SNX2: variants seen among roughly 807,000 people sequenced by gnomAD.
SNX2 encodes the protein sorting nexin 2.
Under a neutral mutation model 69.9 loss-of-function variants are expected in SNX2, and 25 were observed. The ratio of observed to expected loss-of-function variants is 0.36; its 90% CI spans 0.26 to 0.50. The LOEUF (loss-of-function observed/expected upper bound fraction) is 0.50, where lower values mean the gene tolerates loss of function less well. Among genes scored for constraint, SNX2 ranks in the 20% least tolerant of loss-of-function variants. SNX2 has a pLI of 0.97. For synonymous variants in SNX2, 229 were observed against 200.4 expected (o/e 1.14, Z -1.20); for missense variants, 551 against 613.3 (o/e 0.90, Z 1.07).
chr5:122,829,490 C>G, intron 14 of SNX2, 108 bp from the exon 15 acceptor site: 1 of 788,836 alleles, frequency 1.3e-6, no homozygotes, highest in African/African-American at 1.7e-5. Context: ...TAGGTGTGAG[C>G]TACCCAGCCC....
intron 1 of SNX2, among the ~76,000 whole-genome samples, chr5:122,792,057 C>G (rs185474665): frequency 1.6e-4 from 25 of 152,288 alleles, no homozygotes; most frequent in Non-Finnish European, 4.4e-5. Context: ...CAAACTTGTT[C>G]TTTAAATTCC....
chr5:122,823,723 T>G (rs981554147), intron 11 of SNX2, among the ~76,000 whole-genome samples: 6 of 150,300 alleles, frequency 4.0e-5, no homozygotes, highest in African/African-American at 1.5e-4. Flanking sequence ...TGTGGGTGTG[T>G]GTGTGTGTGT....
In SNX2 at chr5:122,830,959, A is replaced by C. The variant is rs1251325172; in HGVS notation, c.*1311A>C. 6.8e-6 allele frequency among the ~76,000 whole-genome samples: 1 copy of C among 147,184 alleles called. No individual in the cohort carries two copies. Among genetic ancestry groups the C allele is most frequent in the Non-Finnish European group, 1.5e-5 (1 of 67,384 alleles). On this transcript the variant is annotated 3_prime_UTR_variant, in exon 15 of 15. Coordinates refer to ENST00000379516, the MANE Select transcript of SNX2 (RefSeq NM_003100.4). ...GGAAGGTGGAGGTTGCAGTGAGCCAAGATCATGCCGTTGCACGCCAGCCTA... is the reference window on the plus strand; with the variant it reads ...GGAAGGTGGAGGTTGCAGTGAGCCACGATCATGCCGTTGCACGCCAGCCTA...
chr5:122,809,981 A>G (rs1167023848), intron 7 of SNX2, among the ~76,000 whole-genome samples: 6 of 152,170 alleles, frequency 3.9e-5, no homozygotes, highest in Non-Finnish European at 5.9e-5. Context: ...TTTTAAGAAT[A>G]AAGGTAAATC....
intron 6 of SNX2, among the ~76,000 whole-genome samples, chr5:122,805,643 A>C (rs749147862): frequency 3.5e-4 from 53 of 152,096 alleles, no homozygotes; most frequent in Non-Finnish European, 6.8e-4. Context: ...AAGTGTTGAA[A>C]TCTGTAGGGA....
At chr5:122,801,685 G>GTGTGTC in intron 3 of SNX2, among the ~76,000 whole-genome samples, 184 bp from the exon 4 acceptor site, 1 of 150,950 alleles carries the variant, frequency 6.6e-6, no homozygotes, top group South Asian at 2.1e-4. Context: ...GTGTGTGTGT[G>GTGTGTC]TGTGTTTTAT....
chr5:122,790,180 G>C (rs1410742416), intron 1 of SNX2, among the ~76,000 whole-genome samples: 1 of 152,078 alleles, frequency 6.6e-6, no homozygotes, highest in Non-Finnish European at 1.5e-5. Context: ...GTGCAGTGGT[G>C]CGATCTCAGC....
chr5:122,806,136 G>GCGCGCGCGCA (rs1581637048), intron 6 of SNX2, among the ~76,000 whole-genome samples: 8 of 19,198 alleles, frequency 4.2e-4, no homozygotes, highest in East Asian at 6.8e-3. Flanking sequence ...ATATACACAC[G>GCGCGCGCGCA]CGCGCGCACA....
intron 1 of SNX2, among the ~76,000 whole-genome samples, chr5:122,787,692 A>G (rs183698851): frequency 3.2e-4 from 49 of 152,156 alleles, no homozygotes; most frequent in Non-Finnish European, 4.0e-4. Context: ...GCCCCACATC[A>G]TTCCCATTGT....
At chr5:122,789,442 T>TAC (rs34588472) in intron 1 of SNX2, among the ~76,000 whole-genome samples, 48,196 of 141,352 alleles carry the variant, frequency 0.34, 8,849 homozygotes, top group East Asian at 0.83. Flanking sequence ...CACACACACA[T>TAC]ACACACACAC....
intron 1 of SNX2, among the ~76,000 whole-genome samples, chr5:122,790,091 G>A (rs1307072376): frequency 6.6e-6 from 1 of 152,210 alleles, no homozygotes; most frequent in Admixed American, 6.5e-5. Flanking sequence ...ATTTCAGCCA[G>A]TGCTGCAGTC....
intron 1 of SNX2, among the ~76,000 whole-genome samples, chr5:122,794,136 C>A (rs959200715): frequency 1.3e-5 from 2 of 151,840 alleles, no homozygotes; most frequent in African/African-American, 2.4e-5. Flanking sequence ...CATGGTGAAA[C>A]CCTGTCTCTA....
At chr5:122,820,337 AC>A (rs1037981413) in intron 11 of SNX2, among the ~76,000 whole-genome samples, 17 of 152,278 alleles carry the variant, frequency 1.1e-4, no homozygotes, top group African/African-American at 4.1e-4. Context: ...GGAGATCAAG[AC>A]CATCCTGGCC....
intron 7 of SNX2, among the ~76,000 whole-genome samples, chr5:122,814,639 A>C (rs538450033): frequency 6.6e-6 from 1 of 152,178 alleles, no homozygotes; most frequent in Non-Finnish European, 1.5e-5. Context: ...AGGTAGAAGA[A>C]ATTACTGACT....
chr5:122,814,505 CA>C (rs1368477459), intron 7 of SNX2, among the ~76,000 whole-genome samples: 1 of 152,030 alleles, frequency 6.6e-6, no homozygotes, highest in Non-Finnish European at 1.5e-5. Flanking sequence ...TATATAAAAA[CA>C]GAAGTTAACA....
At chr5:122,806,904 A>T (rs954515798) in intron 6 of SNX2, among the ~76,000 whole-genome samples, 2 of 152,208 alleles carry the variant, frequency 1.3e-5, no homozygotes, top group African/African-American at 4.8e-5. Flanking sequence ...CTGAAGATGT[A>T]CCAAACTGAA....
intron 1 of SNX2, among the ~76,000 whole-genome samples, chr5:122,792,545 C>T (rs1362503397): frequency 1.3e-5 from 2 of 149,352 alleles, no homozygotes; most frequent in African/African-American, 2.5e-5. Context: ...TACAGTGAGC[C>T]GAGATCGTGC....
intron 2 of SNX2, among the ~76,000 whole-genome samples, chr5:122,796,563 A>T (rs994235138): frequency 3.3e-5 from 5 of 152,204 alleles, no homozygotes; most frequent in Admixed American, 6.5e-5. Flanking sequence ...GTGTCCTTTC[A>T]TGGACTTTTT....
At chr5:122,812,654 A>G (rs1237121728) in intron 7 of SNX2, among the ~76,000 whole-genome samples, 3 of 151,794 alleles carry the variant, frequency 2.0e-5, no homozygotes, top group African/African-American at 4.8e-5. Context: ...TTGTATGTTT[A>G]TTATGTTTAT....
Sources: allele counts gnomAD v4.1 joint callset (sites outside exome capture counted in the v4.1 genomes callset), GRCh38; gene constraint gnomAD v4.1.1; transcripts MANE v1.5; gene names NCBI Gene and HGNC (gene_info 2026-07-23, HGNC 2026-07-21).